Variants in STK3 observed in about 807,000 individuals in gnomAD.
STK3 encodes serine/threonine-protein kinase 3.
In STK3, 41 loss-of-function variants were observed where a neutral mutation model predicts 58.0. The observed-to-expected ratio is 0.71, with a 90% CI of 0.55 to 0.92. The LOEUF is 0.92. Ranked by LOEUF, STK3 falls within the 40% of genes least tolerant of loss-of-function variation. The probability of loss-of-function intolerance (pLI) is 0.00; values close to 1 mark genes in which losing one functional copy is unlikely to be tolerated. For synonymous variants in STK3, 170 were observed against 191.0 expected (o/e 0.89, Z 0.91); for missense variants, 479 against 602.7 (o/e 0.79, Z 2.15).
chr8:98,563,262 T>C (rs1263844425), intron 8 of STK3, among the ~76,000 whole-genome samples: 1 of 152,100 alleles, frequency 6.6e-6, no homozygotes, highest in Non-Finnish European at 1.5e-5. Flanking sequence ...AGTAAATGAA[T>C]GATAGGAGCC....
chr8:98,938,117 G>A (rs774175468), intron 1 of STK3, among the ~76,000 whole-genome samples: 52 of 151,770 alleles, frequency 3.4e-4, no homozygotes, highest in Non-Finnish European at 5.4e-4. Flanking sequence ...TGCGTTTTCA[G>A]TGGCTTCCCT....
chr8:98,845,143 G>A (rs1836156318), intron 3 of STK3, among the ~76,000 whole-genome samples: 1 of 152,002 alleles, frequency 6.6e-6, no homozygotes, highest in African/African-American at 2.4e-5. Flanking sequence ...TTTTTACTTA[G>A]AGTTCATTTC....
At chr8:98,369,758 ATTTTGTTC>A (rs1321390315), downstream of STK3, among the ~76,000 whole-genome samples, 1 of 152,144 alleles carries the variant, frequency 6.6e-6, no homozygotes, top group East Asian at 1.9e-4. Context: ...CCCACCCAAA[ATTTTGTTC>A]AAATGTTAAG....
intron 2 of STK3, among the ~76,000 whole-genome samples, chr8:98,374,844 T>C (rs1245148501): frequency 6.6e-6 from 1 of 152,168 alleles, no homozygotes; most frequent in African/African-American, 2.4e-5. Context: ...TCTGGAAGGA[T>C]ACATGAGAAG....
chr8:98,384,192 T>A (rs1470481465), intron 1 of STK3, among the ~76,000 whole-genome samples: 2 of 152,196 alleles, frequency 1.3e-5, no homozygotes, highest in African/African-American at 4.8e-5. Context: ...GTGAGCCAAG[T>A]CTCCACTACC....
chr8:98,384,562 TCC>T (rs1422235128), intron 1 of STK3, among the ~76,000 whole-genome samples: 1 of 152,164 alleles, frequency 6.6e-6, no homozygotes, highest in Non-Finnish European at 1.5e-5. Flanking sequence ...TCTTCCTACC[TCC>T]TACATGGGGA....
the STK3 span, among the ~76,000 whole-genome samples, chr8:98,351,180 C>T: frequency 4.6e-5 from 7 of 152,254 alleles, no homozygotes; most frequent in African/African-American, 1.7e-4. Flanking sequence ...TAAGTCCCTC[C>T]TAAGAAGTCT....
At chr8:98,390,606 GT>G (rs1050533055), upstream of STK3, among the ~76,000 whole-genome samples, 12 of 151,112 alleles carry the variant, frequency 7.9e-5, no homozygotes, top group Non-Finnish European at 1.2e-4. Context: ...ATTTCTTCAA[GT>G]TTTTTTTTGT....
At chr8:98,936,896 G>A (rs1357209107) in intron 1 of STK3, among the ~76,000 whole-genome samples, 1 of 152,254 alleles carries the variant, frequency 6.6e-6, no homozygotes, top group East Asian at 1.9e-4. Context: ...TGGTATGGGG[G>A]AAAGGACAAG....
rs569226680 is a variant in STK3 at position 98,521,263 on chromosome 8, A to G, written c.1317+5479T>C. 3.9e-5 allele frequency among the ~76,000 whole-genome samples: 6 copies of G among 152,216 alleles called. No individual in the cohort carries two copies. In the South Asian group the frequency reaches 1.2e-3, roughly 32 times the overall value. On this transcript the variant is annotated intron_variant, in intron 10 of 10. Transcript: ENST00000419617. The stretch of plus-strand genomic sequence containing the variant: ...AACTCTGCAAAAATTGGATCCAGTC[A>G]TATGATCTCTTGATATCCCTTTCCA...
At chr8:98,584,833 A>AT (rs1464452990) in intron 7 of STK3, among the ~76,000 whole-genome samples, 1 of 149,696 alleles carries the variant, frequency 6.7e-6, no homozygotes, top group East Asian at 2.0e-4. Flanking sequence ...TTTGATTTGC[A>AT]TTTCTCTGAT....
intron 6 of STK3, among the ~76,000 whole-genome samples, chr8:98,704,437 T>C (rs1303872798): frequency 6.6e-6 from 1 of 152,102 alleles, no homozygotes; most frequent in Non-Finnish European, 1.5e-5. Context: ...AGAACTGGAC[T>C]GTGAAGAAAT....
chr8:98,913,857 T>C (rs571354600), intron 1 of STK3, among the ~76,000 whole-genome samples: 3 of 152,356 alleles, frequency 2.0e-5, no homozygotes, highest in South Asian at 4.1e-4. Flanking sequence ...CTGTCTTTAC[T>C]GAGAGACCTT....
intron 9 of STK3, among the ~76,000 whole-genome samples, chr8:98,544,893 T>C (rs1034149025): frequency 1.3e-5 from 2 of 152,090 alleles, no homozygotes; most frequent in Non-Finnish European, 2.9e-5. Context: ...CAGATACCCA[T>C]AAGACATAGT....
At chr8:98,861,978 T>C (rs1564068315) in intron 3 of STK3, among the ~76,000 whole-genome samples, 1 of 152,180 alleles carries the variant, frequency 6.6e-6, no homozygotes, top group Non-Finnish European at 1.5e-5. Context: ...ATAATTTAAA[T>C]GAAAGTGCCT....
chr8:98,359,783 C>T, the STK3 span, among the ~76,000 whole-genome samples: 1 of 152,160 alleles, frequency 6.6e-6, no homozygotes, highest in Admixed American at 6.5e-5. Context: ...TCCAGACTCT[C>T]ATCTCTGGGG....
intron 7 of STK3, among the ~76,000 whole-genome samples, chr8:98,588,145 T>C (rs1814840219): frequency 6.6e-6 from 1 of 152,298 alleles, no homozygotes; most frequent in Non-Finnish European, 1.5e-5. Context: ...GTCATGATGA[T>C]GTTAGCTGGT....
chr8:98,904,366 G>C (rs72668435), intron 1 of STK3, among the ~76,000 whole-genome samples: 1 of 152,172 alleles, frequency 6.6e-6, no homozygotes, highest in Non-Finnish European at 1.5e-5. Context: ...TTCAGAGGCT[G>C]AGAATATAAG....
intron 1 of STK3, among the ~76,000 whole-genome samples, chr8:98,890,970 C>A (rs1012912022): frequency 6.6e-6 from 1 of 152,178 alleles, no homozygotes; most frequent in Non-Finnish European, 1.5e-5. Flanking sequence ...AACTAAGAGG[C>A]CTAATTTGAA....
Sources: allele counts gnomAD v4.1 joint callset (sites outside exome capture counted in the v4.1 genomes callset), GRCh38; gene constraint gnomAD v4.1.1; transcripts MANE v1.5; gene names NCBI Gene and HGNC (gene_info 2026-07-23, HGNC 2026-07-21).